The following VPS13B variants were observed in gnomAD, a reference collection of about 807,000 sequenced individuals.
VPS13B encodes vacuolar protein sorting 13 homolog B.
A neutral mutation model predicts 426.4 loss-of-function variants in VPS13B; 285 were observed. The ratio of observed to expected loss-of-function variants is 0.67; its 90% confidence interval spans 0.61 to 0.74. VPS13B has a LOEUF of 0.74. Among genes scored for constraint, VPS13B ranks in the 30% least tolerant of loss-of-function variants. The probability of loss-of-function intolerance (pLI) is 0.00; values close to 1 mark genes in which losing one functional copy is unlikely to be tolerated. For synonymous variants in VPS13B, 1,676 were observed against 1,676.4 expected (o/e 1.00, Z 0.01); for missense variants, 4,537 against 4,782.6 (o/e 0.95, Z 1.51).
At chr8:99,478,028 C>T (rs1819786329) in intron 24 of VPS13B, among the ~76,000 whole-genome samples, 1 of 151,210 alleles carries the variant, frequency 6.6e-6, no homozygotes, top group African/African-American at 2.4e-5. Context: ...GTGGGAGGAT[C>T]ACTTGAGCTC....
intron 16 of VPS13B, among the ~76,000 whole-genome samples, chr8:99,191,625 G>T (rs1392710240): frequency 6.6e-6 from 1 of 151,610 alleles, no homozygotes; most frequent in South Asian, 2.1e-4. Context: ...CTTGTGATCC[G>T]CCCGCCTCGG....
chr8:99,266,207 A>G (rs1231617751), intron 17 of VPS13B, among the ~76,000 whole-genome samples: 1 of 152,018 alleles, frequency 6.6e-6, no homozygotes, highest in Non-Finnish European at 1.5e-5. Context: ...AGGTTGGTGG[A>G]AAAAGAATTA....
At position 99,871,635 on chromosome 8, in the gene VPS13B, A is replaced by G. The variant is rs566950539; in HGVS notation, c.11683A>G (p.Ser3895Gly). 2.5e-6 allele frequency: 4 copies of G among 1,614,210 alleles called. No homozygotes were observed. The highest frequency in any genetic ancestry group is 3.4e-6 in the Non-Finnish European group (4 of 1,180,052). ...PVTEIDCAQD[S>G]KQNNLLTVQL... is the part of the protein sequence containing the mutation. ...CACAGAAATCGACTGTGCACAGGAC[A>G]GCAAGCAGAACAACTTACTCACAGT... is the stretch of plus-strand genomic sequence containing the variant. The change falls in exon 61 of 62, where the codon AGC (serine) becomes GGC (glycine). Residue 3895 changes from serine to glycine, a missense_variant. Physicochemically the swap from Ser to Gly is moderately conservative, Grantham distance 56. Transcript: ENST00000357162.
chr8:99,877,273 G>A lies in VPS13B; in HGVS notation c.*1607G>A, dbSNP rs768404123. On this transcript the variant is annotated 3_prime_UTR_variant, in exon 62 of 62. Coordinates refer to ENST00000357162, the MANE Select transcript of VPS13B (RefSeq NM_152564.5). The stretch of plus-strand genomic sequence containing the variant: ...CTATGAAAAATGTCTCTTTCAGTTT[G>A]TTCTGTAAATATTTAGAAAAGTGAC... 2.0e-5 allele frequency: 3 copies of A among 152,614 alleles called. No individual in the cohort carries two copies. The highest frequency in any genetic ancestry group is 4.4e-5 in the Non-Finnish European group (3 of 68,028). The allele number at this position is 152,614 out of a possible 1,614,324, so 9.5% of individuals were successfully genotyped here.
chr8:99,045,620 C>T (rs1563503240), intron 3 of VPS13B, among the ~76,000 whole-genome samples: 1 of 152,130 alleles, frequency 6.6e-6, no homozygotes, highest in Non-Finnish European at 1.5e-5. Context: ...AAATCCTCGC[C>T]TAAGCCAATG....
At chr8:99,068,753 T>C (rs1356328579) in intron 3 of VPS13B, among the ~76,000 whole-genome samples, 2 of 152,156 alleles carry the variant, frequency 1.3e-5, no homozygotes, top group Non-Finnish European at 2.9e-5. Flanking sequence ...TTAAATCTCA[T>C]GAGAACTCAC....
intron 21 of VPS13B, among the ~76,000 whole-genome samples, chr8:99,424,934 C>T (rs747984109): frequency 6.6e-6 from 1 of 152,152 alleles, no homozygotes; most frequent in Admixed American, 6.6e-5. Context: ...ATACCATAAA[C>T]ACCTCTATGC....
chr8:99,150,625 G>T (rs914978660), intron 14 of VPS13B, among the ~76,000 whole-genome samples: 5 of 152,114 alleles, frequency 3.3e-5, no homozygotes, highest in Non-Finnish European at 7.4e-5. Context: ...CATATAGTTG[G>T]AATCATATAG....
intron 35 of VPS13B, among the ~76,000 whole-genome samples, chr8:99,665,320 T>G (rs1211378594): frequency 6.6e-6 from 1 of 152,182 alleles, no homozygotes; most frequent in African/African-American, 2.4e-5. Flanking sequence ...CTCTTTAGTT[T>G]AATTAGATCC....
At chr8:99,028,168 G>A (rs1842235276) in intron 2 of VPS13B, among the ~76,000 whole-genome samples, 1 of 151,746 alleles carries the variant, frequency 6.6e-6, no homozygotes, top group African/African-American at 2.4e-5. Flanking sequence ...CACCCTTCCC[G>A]CCTTTCTATT....
intron 3 of VPS13B, among the ~76,000 whole-genome samples, chr8:99,073,958 A>G (rs1844975493): frequency 6.6e-6 from 1 of 151,368 alleles, no homozygotes. Context: ...TTTTGTAGAG[A>G]TAGAGTCTCC....
intron 36 of VPS13B, among the ~76,000 whole-genome samples, chr8:99,712,436 A>G (rs1832739533): frequency 6.6e-6 from 1 of 152,218 alleles, no homozygotes; most frequent in Admixed American, 6.5e-5. Flanking sequence ...TATCAAACAT[A>G]AAGTCCCATA....
chr8:99,466,712 A>G (rs1022575247), intron 23 of VPS13B, among the ~76,000 whole-genome samples: 2 of 152,302 alleles, frequency 1.3e-5, no homozygotes, highest in African/African-American at 4.8e-5. Context: ...AGAATAATCT[A>G]GGGAACATAT....
intron 17 of VPS13B, among the ~76,000 whole-genome samples, chr8:99,243,828 A>G (rs771608406): frequency 6.6e-6 from 1 of 152,224 alleles, no homozygotes; most frequent in Non-Finnish European, 1.5e-5. Context: ...GTCTTTCAAT[A>G]ACTATAGCCA....
At position 99,156,111 on chromosome 8, in the gene VPS13B, A is replaced by T. The variant is rs138048975; in HGVS notation, c.2014-438A>T. Among the ~76,000 whole-genome samples, 11 of 152,324 alleles carry T rather than the reference A, an allele frequency of 7.2e-5. No individual in the cohort carries two copies. In the East Asian group the frequency reaches 2.1e-3, roughly 29 times the overall value. On this transcript the variant is annotated intron_variant, in intron 14 of 61. Coordinates refer to ENST00000357162, the MANE Select transcript of VPS13B (RefSeq NM_152564.5). ...TACCTGCAAACATTGCTTATTGTGA[A>T]TGTTTTTGACATTGTGTGGTGTAGT...
intron 29 of VPS13B, among the ~76,000 whole-genome samples, chr8:99,516,787 CAAA>C (rs528490868): frequency 5.5e-3 from 92 of 16,630 alleles, no homozygotes; most frequent in African/African-American, 0.023. Flanking sequence ...GACCGTGTCT[CAAA>C]AAAAAAAAAA....
At chr8:99,620,901 G>A (rs143173129) in intron 33 of VPS13B, among the ~76,000 whole-genome samples, 15 of 149,042 alleles carry the variant, frequency 1.0e-4, no homozygotes, top group Admixed American at 6.9e-4. Flanking sequence ...CAGGAGATTC[G>A]CTTGAACCTG....
At chr8:99,768,778 A>G (rs1467976845) in intron 40 of VPS13B, among the ~76,000 whole-genome samples, 1 of 152,214 alleles carries the variant, frequency 6.6e-6, no homozygotes, top group African/African-American at 2.4e-5. Context: ...TTCAGCAATA[A>G]AAAGAACACC....
At position 99,717,520 on chromosome 8, in the gene VPS13B, TGA is replaced by T. The variant is rs1032144274; in HGVS notation, c.6657+150_6657+151del. On this transcript the variant is annotated intron_variant, in intron 37 of 61. Transcript: ENST00000357162. ...CTTGTTAAATTTTCAACAACTTTAT[TGA>T]GATATAAGTCATATACCAGCAATCT... The T allele has an allele frequency of 3.9e-6, 3 of 773,158 alleles. No individual in the cohort carries two copies. In the African/African-American group the frequency reaches 5.2e-5, roughly 13 times the overall value. The allele number at this position is 773,158 out of a possible 1,614,324, so 47.9% of individuals were successfully genotyped here.
Sources: allele counts gnomAD v4.1 joint callset (sites outside exome capture counted in the v4.1 genomes callset), GRCh38; gene constraint gnomAD v4.1.1; transcripts MANE v1.5; gene names NCBI Gene and HGNC (gene_info 2026-07-23, HGNC 2026-07-21).